The following GABRG3 variants were observed in gnomAD, a reference collection of about 807,000 sequenced individuals.
The protein encoded by GABRG3 is gamma-aminobutyric acid receptor subunit gamma-3.
GABRG3 carries 25 observed loss-of-function variants against 48.8 expected under a neutral mutation model. That is an observed-to-expected ratio of 0.51 (90% confidence interval 0.37 to 0.72). GABRG3 has a LOEUF of 0.72. Among genes scored for constraint, GABRG3 ranks in the 30% least tolerant of loss-of-function variants. GABRG3 has a pLI of 0.00. For synonymous variants in GABRG3, 227 were observed against 217.6 expected (o/e 1.04, Z -0.38); for missense variants, 394 against 577.9 (o/e 0.68, Z 3.26).
chr15:27,270,345 G>A (rs1327735265), intron 3 of GABRG3, among the ~76,000 whole-genome samples: 1 of 152,174 alleles, frequency 6.6e-6, no homozygotes, highest in Admixed American at 6.5e-5. Flanking sequence ...TGGTGTTGGT[G>A]TGGAGCTTGA....
At chr15:27,295,304 C>T (rs986963019) in intron 3 of GABRG3, 3 of 152,176 alleles carry the variant, frequency 2.0e-5, no homozygotes, top group African/African-American at 7.2e-5. Context: ...CTTGCATCTT[C>T]CTACTTCTCT....
intron 3 of GABRG3, among the ~76,000 whole-genome samples, chr15:27,063,788 A>C (rs752648231): frequency 2.0e-5 from 3 of 152,182 alleles, no homozygotes; most frequent in Non-Finnish European, 4.4e-5. Flanking sequence ...TGCAATGAGC[A>C]CAGAGTCCGC....
At chr15:27,525,501 T>A (rs3097492) in intron 7 of GABRG3, among the ~76,000 whole-genome samples, 94,981 of 151,924 alleles carry the variant, frequency 0.63, 30,867 homozygotes, top group African/African-American at 0.81. Context: ...AAGGTTTATT[T>A]TTCTTCAGCA....
At chr15:26,994,259 C>T (rs775753808) in intron 2 of GABRG3, among the ~76,000 whole-genome samples, 5 of 151,730 alleles carry the variant, frequency 3.3e-5, no homozygotes, top group African/African-American at 7.2e-5. Flanking sequence ...CAGATATTCT[C>T]GGTTTTTTGC....
intron 2 of GABRG3, among the ~76,000 whole-genome samples, chr15:26,989,640 A>C (rs1895212393): frequency 6.6e-6 from 1 of 152,156 alleles, no homozygotes; most frequent in Non-Finnish European, 1.5e-5. Flanking sequence ...ATTCAGCTAT[A>C]TGCTTTTAAT....
rs527342376 is a variant in GABRG3 at position 27,165,462 on chromosome 15, T to G, written c.270+138641T>G. ...CACTGGTCAATCCAGGTTCTAGTTC[T>G]TGTCATGCTTTATCCACCTTAAAAC... On this transcript the variant is annotated intron_variant, in intron 3 of 9. Coordinates refer to ENST00000615808, the MANE Select transcript of GABRG3 (RefSeq NM_033223.5). Among the ~76,000 whole-genome samples, 4 of 152,310 alleles carry G rather than the reference T, an allele frequency of 2.6e-5. No individual in the cohort carries two copies. In the South Asian group the frequency reaches 8.3e-4, roughly 32 times the overall value.
chr15:27,435,689 G>A (rs1417432989), intron 5 of GABRG3, among the ~76,000 whole-genome samples: 2 of 152,206 alleles, frequency 1.3e-5, no homozygotes, highest in Admixed American at 6.5e-5. Flanking sequence ...TAAGTTTACG[G>A]TATTGGAATC....
chr15:27,194,613 A>G (rs1301506870), intron 3 of GABRG3, among the ~76,000 whole-genome samples: 1 of 152,182 alleles, frequency 6.6e-6, no homozygotes, highest in Non-Finnish European at 1.5e-5. Context: ...ATGGTTTTAG[A>G]TGAGAAGTGT....
At chr15:27,380,287 T>C (rs1022109459) in intron 5 of GABRG3, among the ~76,000 whole-genome samples, 8 of 151,686 alleles carry the variant, frequency 5.3e-5, no homozygotes, top group African/African-American at 1.9e-4. Flanking sequence ...TTTTTACATG[T>C]TGTCCACTTT....
At chr15:27,418,090 C>T (rs562884719) in intron 5 of GABRG3, among the ~76,000 whole-genome samples, 3 of 152,316 alleles carry the variant, frequency 2.0e-5, no homozygotes, top group East Asian at 3.9e-4. Context: ...GCAACTCCTA[C>T]AAAGCACTGA....
chr15:27,125,178 G>C (rs1159064843), intron 3 of GABRG3, among the ~76,000 whole-genome samples: 1 of 152,140 alleles, frequency 6.6e-6, no homozygotes, highest in Non-Finnish European at 1.5e-5. Context: ...ATGTATCGCT[G>C]TTTTTTATAG....
At chr15:27,476,952 A>G (rs1889958747) in intron 5 of GABRG3, among the ~76,000 whole-genome samples, 1 of 152,240 alleles carries the variant, frequency 6.6e-6, no homozygotes, top group Admixed American at 6.5e-5. Context: ...GTGAGTCACA[A>G]TATGATTAGC....
rs1397415415 is a variant in GABRG3 at position 27,236,625 on chromosome 15, T to A, written c.271-90184T>A. ...AGCCTCAGCGTGACAGCCCACCAGT[T>A]TCACAATACACCTGTTCCTGATTAG... On this transcript the variant is annotated intron_variant, in intron 3 of 9. Coordinates refer to ENST00000615808, the MANE Select transcript of GABRG3 (RefSeq NM_033223.5). The surrounding 1 kb of genome is among the most constrained non-coding windows in gnomAD (Gnocchi z 4.4). Among the ~76,000 whole-genome samples, 1 of 152,146 alleles carries A rather than the reference T, an allele frequency of 6.6e-6. No individual in the cohort carries two copies. The highest frequency in any genetic ancestry group is 6.5e-5 in the Admixed American group (1 of 15,274).
intron 3 of GABRG3, among the ~76,000 whole-genome samples, chr15:27,308,309 CATATA>C (rs1158510688): frequency 8.1e-6 from 1 of 124,080 alleles, no homozygotes; most frequent in Admixed American, 8.1e-5. Flanking sequence ...ATCATATAAA[CATATA>C]TAAACATACG....
intron 3 of GABRG3, among the ~76,000 whole-genome samples, chr15:27,284,467 C>T (rs935041536): frequency 1.3e-5 from 2 of 152,140 alleles, no homozygotes; most frequent in African/African-American, 4.8e-5. Flanking sequence ...AAGAATACCA[C>T]GACATTTTCT....
intron 3 of GABRG3, among the ~76,000 whole-genome samples, chr15:27,201,446 GGAGAAA>G (rs1888681423): frequency 6.6e-6 from 1 of 151,424 alleles, no homozygotes; most frequent in Non-Finnish European, 1.5e-5. Context: ...GAGAAGAGAG[GGAGAAA>G]GAGAAGGAAA....
chr15:27,381,903 T>A (rs1228750526), intron 5 of GABRG3, among the ~76,000 whole-genome samples: 1 of 152,198 alleles, frequency 6.6e-6, no homozygotes, highest in East Asian at 1.9e-4. Context: ...GATGGAAGTA[T>A]GATTAATTTA....
At chr15:27,443,200 C>G (rs1335312720) in intron 5 of GABRG3, among the ~76,000 whole-genome samples, 2 of 152,140 alleles carry the variant, frequency 1.3e-5, no homozygotes, top group East Asian at 3.9e-4. Context: ...AAGGGAAGAC[C>G]CTGTGAGGAC....
intron 5 of GABRG3, among the ~76,000 whole-genome samples, chr15:27,354,320 G>A (rs1268846395): frequency 6.6e-6 from 1 of 152,230 alleles, no homozygotes; most frequent in African/African-American, 2.4e-5. Flanking sequence ...TCTCAGAAGA[G>A]CAGGATGGAA....
Sources: allele counts gnomAD v4.1 joint callset (sites outside exome capture counted in the v4.1 genomes callset), GRCh38; gene constraint gnomAD v4.1.1; non-coding constraint Gnocchi (gnomAD v3.1); transcripts MANE v1.5; gene names NCBI Gene and HGNC (gene_info 2026-07-23, HGNC 2026-07-21).